LGSN: variants seen among roughly 807,000 people sequenced by gnomAD.
LGSN encodes the protein lengsin, lens protein with glutamine synthetase domain.
In LGSN, 21 loss-of-function variants were observed where a neutral mutation model predicts 19.5. The ratio of observed to expected loss-of-function variants is 1.07; its 90% CI spans 0.76 to 1.55. The LOEUF is 1.55. Among genes scored for constraint, LGSN ranks in the 40% most tolerant of loss-of-function variants. The pLI is 0.00. For synonymous variants in LGSN, 257 were observed against 215.6 expected (o/e 1.19, Z -1.68); for missense variants, 673 against 608.5 (o/e 1.11, Z -1.12).
the LGSN span, among the ~76,000 whole-genome samples, chr6:63,567,305 A>G: frequency 2.0e-5 from 3 of 152,224 alleles, no homozygotes; most frequent in Non-Finnish European, 4.4e-5. Flanking sequence ...TATGAAATGT[A>G]CTTGTTAAAT....
At chr6:63,410,996 A>C in the LGSN span, among the ~76,000 whole-genome samples, 1 of 152,184 alleles carries the variant, frequency 6.6e-6, no homozygotes, top group Non-Finnish European at 1.5e-5. Context: ...ATATTTAGAG[A>C]CACCTACTGA....
the LGSN span, among the ~76,000 whole-genome samples, chr6:63,385,021 C>G: frequency 6.6e-6 from 1 of 152,108 alleles, no homozygotes. Context: ...AAAAACAAAC[C>G]TGTGAATCTT....
chr6:63,354,038 C>T, the LGSN span, among the ~76,000 whole-genome samples: 1 of 151,998 alleles, frequency 6.6e-6, no homozygotes, highest in Admixed American at 6.6e-5. Flanking sequence ...AACTATAAAA[C>T]TACTAGGGAA....
At chr6:63,445,978 G>A in the LGSN span, among the ~76,000 whole-genome samples, 3 of 152,126 alleles carry the variant, frequency 2.0e-5, no homozygotes, top group African/African-American at 7.2e-5. Context: ...GCCGGGTGTC[G>A]TGGCTCACGC....
the LGSN span, among the ~76,000 whole-genome samples, chr6:63,471,431 C>T: frequency 3.3e-5 from 5 of 151,714 alleles, no homozygotes; most frequent in Non-Finnish European, 5.9e-5. Flanking sequence ...TTTGGGAGGC[C>T]GAGATGGGTG....
At chr6:63,558,803 G>T in the LGSN span, among the ~76,000 whole-genome samples, 1 of 152,308 alleles carries the variant, frequency 6.6e-6, no homozygotes, top group African/African-American at 2.4e-5. Flanking sequence ...GGGCAGGGAG[G>T]CAGAGGAAGA....
chr6:63,549,092 T>C, the LGSN span: 8 of 708,132 alleles, frequency 1.1e-5, no homozygotes, highest in South Asian at 1.0e-4. Flanking sequence ...TGGTGTTAAC[T>C]CCTGCTCGAA....
the LGSN span, among the ~76,000 whole-genome samples, chr6:63,469,119 A>G: frequency 6.6e-6 from 1 of 152,140 alleles, no homozygotes. Flanking sequence ...ACCCTCGTTA[A>G]GTCACTGCTA....
the LGSN span, chr6:63,480,141 T>C: frequency 4.7e-6 from 1 of 213,788 alleles, no homozygotes. Flanking sequence ...GCCATGGGTT[T>C]CAGAGACCTG....
chr6:63,456,974 T>C, the LGSN span, among the ~76,000 whole-genome samples: 1 of 152,210 alleles, frequency 6.6e-6, no homozygotes, highest in Non-Finnish European at 1.5e-5. Flanking sequence ...ATTGTACTGC[T>C]TCTCCACCTT....
chr6:63,508,762 C>A, the LGSN span, among the ~76,000 whole-genome samples: 1 of 151,250 alleles, frequency 6.6e-6, no homozygotes, highest in South Asian at 2.1e-4. Context: ...ACTAAAAAAA[C>A]AAAAAAATTA....
the LGSN span, among the ~76,000 whole-genome samples, chr6:63,450,537 C>G: frequency 4.0e-4 from 57 of 142,402 alleles, no homozygotes; most frequent in African/African-American, 1.4e-3. Flanking sequence ...AAGAGCAAAA[C>G]TAAACTCCAC....
the LGSN span, among the ~76,000 whole-genome samples, chr6:63,412,455 AAAGAAAGAAAAAGAGAGAGAAGAAAGAG>A: frequency 1.5e-5 from 2 of 137,714 alleles, no homozygotes; most frequent in Admixed American, 7.4e-5. Flanking sequence ...AGAAAGAAAG[AAAGAAAGAAAAAGAGAGAGAAGAAAGAG>A]AAGAAAGAAA....
chr6:63,358,263 G>A, the LGSN span, among the ~76,000 whole-genome samples: 1 of 152,226 alleles, frequency 6.6e-6, no homozygotes, highest in Admixed American at 6.5e-5. Flanking sequence ...AAGTCAGGTA[G>A]CATGATGCCT....
the LGSN span, among the ~76,000 whole-genome samples, chr6:63,431,945 G>T: frequency 6.6e-6 from 1 of 151,378 alleles, no homozygotes; most frequent in Non-Finnish European, 1.5e-5. Flanking sequence ...GCGTGGTGGT[G>T]GGCACCTATG....
chr6:63,412,718 G>GGAAGGAAGGAAAGAAAGAAA, the LGSN span, among the ~76,000 whole-genome samples: 5 of 54,750 alleles, frequency 9.1e-5, no homozygotes, highest in African/African-American at 6.9e-4. Context: ...AGGGAAGGAA[G>GGAAGGAAGGAAAGAAAGAAA]GAAAGAAAGA....
At chr6:63,450,231 G>A in the LGSN span, among the ~76,000 whole-genome samples, 1 of 151,112 alleles carries the variant, frequency 6.6e-6, no homozygotes, top group East Asian at 1.9e-4. Flanking sequence ...GCATGGTGGT[G>A]AGCACCTGTA....
At chr6:63,381,937 A>C in the LGSN span, among the ~76,000 whole-genome samples, 1 of 152,188 alleles carries the variant, frequency 6.6e-6, no homozygotes, top group Admixed American at 6.6e-5. Context: ...TCCAAAGAAA[A>C]TGTTTCCTGA....
At chr6:63,436,392 C>A in the LGSN span, among the ~76,000 whole-genome samples, 1 of 152,110 alleles carries the variant, frequency 6.6e-6, no homozygotes, top group African/African-American at 2.4e-5. Context: ...TGAGCCACTG[C>A]GCCTGGCCAA....
Sources: gnomAD v4.1 joint callset for allele counts (sites outside exome capture counted in the v4.1 genomes callset) on GRCh38, gnomAD v4.1.1 for gene constraint, MANE v1.5 for transcripts, NCBI Gene and HGNC (gene_info 2026-07-23, HGNC 2026-07-21) for gene names.